Variants in USP32 observed in about 807,000 individuals in gnomAD.
USP32 encodes the protein ubiquitin specific peptidase 32, also known as ubiquitin carboxyl-terminal hydrolase 32.
A neutral mutation model predicts 204.8 loss-of-function variants in USP32; 59 were observed. The observed-to-expected ratio is 0.29, with a 90% confidence interval of 0.23 to 0.36. The LOEUF is 0.36. USP32 is among the 10% of genes least tolerant of loss of function. The probability of loss-of-function intolerance (pLI) is 1.00; values close to 1 mark genes in which losing one functional copy is unlikely to be tolerated. For synonymous variants in USP32, 517 were observed against 678.4 expected (o/e 0.76, Z 3.70); for missense variants, 1,160 against 1,946.4 (o/e 0.60, Z 7.60).
chr17:60,349,578 GAA>G (rs757370384), intron 1 of USP32, among the ~76,000 whole-genome samples: 2,188 of 27,682 alleles, frequency 0.079, 108 homozygotes, highest in African/African-American at 0.21. Context: ...TGTCTCAAAA[GAA>G]AAAAAAAAAA....
At chr17:60,411,071 G>C (rs1280340836) in intron 1 of USP32, among the ~76,000 whole-genome samples, 1 of 151,734 alleles carries the variant, frequency 6.6e-6, no homozygotes, top group Non-Finnish European at 1.5e-5. Context: ...GCTCACACCT[G>C]TAATCTCAGC....
chr17:60,330,284 A>C (rs1479030929), intron 2 of USP32, among the ~76,000 whole-genome samples: 2 of 151,910 alleles, frequency 1.3e-5, no homozygotes, highest in Non-Finnish European at 2.9e-5. Flanking sequence ...CTTTTCATCC[A>C]TGATCTTAAA....
intron 1 of USP32, among the ~76,000 whole-genome samples, chr17:60,373,033 G>A (rs1438328907): frequency 2.0e-5 from 3 of 151,780 alleles, no homozygotes; most frequent in Non-Finnish European, 2.9e-5. Context: ...CAGGTATGGT[G>A]GCATGCACCC....
chr17:60,261,933 T>C (rs1026223399), intron 9 of USP32, among the ~76,000 whole-genome samples: 1 of 152,172 alleles, frequency 6.6e-6, no homozygotes. Context: ...GATACCACCG[T>C]ACAGAATCAT....
At position 60,252,447 on chromosome 17, in the gene USP32, G is replaced by A. The variant is rs752641571; in HGVS notation, c.1075-5C>T. The stretch of plus-strand genomic sequence containing the variant: ...CCCCAGAACTATGTGACACACCTAG[G>A]GAAAAAAATGGTAAATCAAAGTTTA... On this transcript the variant is annotated splice_polypyrimidine_tract_variant and splice_region_variant and intron_variant, in intron 10 of 33. Transcript: ENST00000300896. 2 of 1,598,068 alleles carry A rather than the reference G, an allele frequency of 1.3e-6. No homozygotes were observed. The highest frequency in any genetic ancestry group is 1.1e-5 in the South Asian group (1 of 87,644).
upstream of USP32, among the ~76,000 whole-genome samples, chr17:60,397,070 G>C (rs957582210): frequency 1.3e-5 from 2 of 152,090 alleles, no homozygotes; most frequent in African/African-American, 4.8e-5. Flanking sequence ...TGTACATTTA[G>C]GCCAGTCTCT....
chr17:60,420,487 G>A (rs894651659), intron 1 of USP32, among the ~76,000 whole-genome samples: 2 of 151,778 alleles, frequency 1.3e-5, no homozygotes, highest in Non-Finnish European at 2.9e-5. Context: ...GACCAACATG[G>A]AGAAACCCCG....
intron 2 of USP32, among the ~76,000 whole-genome samples, chr17:60,313,297 A>G (rs1316234961): frequency 6.6e-6 from 1 of 151,906 alleles, no homozygotes; most frequent in Non-Finnish European, 1.5e-5. Context: ...CTCTGTTCCT[A>G]TATGTGTGTG....
intron 1 of USP32, among the ~76,000 whole-genome samples, chr17:60,386,210 C>T (rs982347083): frequency 6.6e-6 from 1 of 151,960 alleles, no homozygotes; most frequent in African/African-American, 2.4e-5. Flanking sequence ...AACTTAAACA[C>T]AAATATGTCA....
chr17:60,361,295 A>T (rs2089201677), intron 1 of USP32, among the ~76,000 whole-genome samples: 1 of 152,110 alleles, frequency 6.6e-6, no homozygotes, highest in Non-Finnish European at 1.5e-5. Context: ...ATCTTTTTCC[A>T]TGCTTTTATA....
At chr17:60,363,409 T>G (rs2089249986) in intron 1 of USP32, among the ~76,000 whole-genome samples, 1 of 137,624 alleles carries the variant, frequency 7.3e-6, no homozygotes, top group Non-Finnish European at 1.5e-5. Context: ...GAACCAAGAT[T>G]GCGCCACTGC....
chr17:60,261,294 T>C (rs184247206), intron 9 of USP32, among the ~76,000 whole-genome samples: 1 of 152,198 alleles, frequency 6.6e-6, no homozygotes, highest in Admixed American at 6.5e-5. Context: ...CTTCTATTAA[T>C]TTTATTGTTT....
intron 1 of USP32, among the ~76,000 whole-genome samples, chr17:60,367,230 C>T (rs1567878204): frequency 1.3e-5 from 2 of 152,134 alleles, no homozygotes; most frequent in Non-Finnish European, 2.9e-5. Context: ...ATTCAGAGGT[C>T]GGGAGTGGTT....
At chr17:60,292,940 G>A (rs1012819249) in intron 4 of USP32, among the ~76,000 whole-genome samples, 1 of 152,022 alleles carries the variant, frequency 6.6e-6, no homozygotes, top group African/African-American at 2.4e-5. Flanking sequence ...CAACTAAATT[G>A]GCCTTTTTAT....
chr17:60,394,103 C>T (rs143163005), upstream of USP32, among the ~76,000 whole-genome samples: 50 of 152,194 alleles, frequency 3.3e-4, no homozygotes, highest in African/African-American at 1.1e-3. Flanking sequence ...CTCAGATTAG[C>T]TGCATTACTG....
At chr17:60,263,215 T>C (rs2086497730) in intron 9 of USP32, among the ~76,000 whole-genome samples, 1 of 152,170 alleles carries the variant, frequency 6.6e-6, no homozygotes, top group Non-Finnish European at 1.5e-5. Flanking sequence ...TCCAAAGTGC[T>C]GGGATTATAG....
At position 60,184,809 on chromosome 17, in the gene USP32, C is replaced by CAA. The variant is rs35566339; in HGVS notation, c.3834+649_3834+650dup. ...TGGGTGACACAGTGAGACCCTGTCTCAAAAAAAAAAAAAAAAAAAACATAT... is the reference window on the plus strand; with the variant it reads ...TGGGTGACACAGTGAGACCCTGTCTCAAAAAAAAAAAAAAAAAAAAAACATAT... On this transcript the variant is annotated intron_variant, in intron 30 of 33. Transcript: ENST00000300896. Among the ~76,000 whole-genome samples, 288 of 78,392 alleles carry CAA rather than the reference C, an allele frequency of 3.7e-3. 1 individual carries two copies. Among genetic ancestry groups the CAA allele is most frequent in the Middle Eastern group, 6.3e-3 (1 of 158 alleles). 51.4% of individuals were successfully genotyped at this position (78,392 alleles called of 152,430 possible).
intron 1 of USP32, among the ~76,000 whole-genome samples, chr17:60,390,015 CA>C (rs369359022): frequency 2.7e-5 from 4 of 146,274 alleles, no homozygotes; most frequent in South Asian, 2.2e-4. Context: ...AGACTCGTCT[CA>C]AAAAAAAAAC....
At chr17:60,345,748 A>T (rs2088770989) in intron 1 of USP32, 140 bp from the exon 2 acceptor site, 3 of 1,062,898 alleles carry the variant, frequency 2.8e-6, no homozygotes, top group East Asian at 2.6e-5. Context: ...TTGGAAGGCC[A>T]AGGCAGGCGG....
Sources: allele counts gnomAD v4.1 joint callset (sites outside exome capture counted in the v4.1 genomes callset), GRCh38; gene constraint gnomAD v4.1.1; transcripts MANE v1.5; gene names NCBI Gene and HGNC (gene_info 2026-07-23, HGNC 2026-07-21).